The following HIP1 variants were observed in gnomAD, a reference collection of about 807,000 sequenced individuals.
HIP1 encodes huntingtin-interacting protein 1.
Under a neutral mutation model 147.6 loss-of-function variants are expected in HIP1, and 65 were observed. That is an observed-to-expected ratio of 0.44 (90% CI 0.36 to 0.54). The LOEUF (loss-of-function observed/expected upper bound fraction) is 0.54. Among genes scored for constraint, HIP1 ranks in the 20% least tolerant of loss-of-function variants. The probability of loss-of-function intolerance (pLI) is 0.00; values close to 1 mark genes in which losing one functional copy is unlikely to be tolerated. For missense variants in HIP1, 1,061 were observed against 1,299.6 expected, an observed-to-expected ratio of 0.82 and a Z score of 2.82; for synonymous variants, 479 against 504.0, an observed-to-expected ratio of 0.95 and a Z score of 0.67.
At chr7:75,685,465 CTT>C (rs1372803033) in intron 1 of HIP1, among the ~76,000 whole-genome samples, 1 of 152,252 alleles carries the variant, frequency 6.6e-6, no homozygotes, top group Non-Finnish European at 1.5e-5. Flanking sequence ...CTACTGATGT[CTT>C]TGCCCACTTT....
chr7:75,570,938 A>C (rs1172768709), intron 8 of HIP1, among the ~76,000 whole-genome samples: 1 of 152,068 alleles, frequency 6.6e-6, no homozygotes, highest in Admixed American at 6.6e-5. Flanking sequence ...TGAACCTGGG[A>C]GATGGAGGTT....
chr7:75,662,698 A>T (rs555001219), intron 1 of HIP1, among the ~76,000 whole-genome samples: 1 of 151,824 alleles, frequency 6.6e-6, no homozygotes, highest in Non-Finnish European at 1.5e-5. Context: ...TAGAGACGGG[A>T]TTTCACCATG....
At chr7:75,619,004 G>A (rs972250042) in intron 1 of HIP1, among the ~76,000 whole-genome samples, 20 of 151,956 alleles carry the variant, frequency 1.3e-4, no homozygotes, top group Admixed American at 2.6e-4. Context: ...TGCAGGAATC[G>A]CTGTGTGTAG....
At chr7:75,567,010 G>T (rs782405288) in intron 9 of HIP1, among the ~76,000 whole-genome samples, 1 of 151,052 alleles carries the variant, frequency 6.6e-6, no homozygotes, top group African/African-American at 2.5e-5. Flanking sequence ...TACTGAAGAG[G>T]CTGAGGCAGG....
chr7:75,587,767 C>A (rs952671741), intron 4 of HIP1, among the ~76,000 whole-genome samples: 8 of 152,070 alleles, frequency 5.3e-5, no homozygotes, highest in Non-Finnish European at 7.4e-5. Context: ...AATTTGAGAC[C>A]AGCCTGGCCA....
chr7:75,624,035 C>T (rs781840331), intron 1 of HIP1, among the ~76,000 whole-genome samples: 3 of 152,132 alleles, frequency 2.0e-5, no homozygotes, highest in Admixed American at 6.5e-5. Flanking sequence ...GAGCTATGAT[C>T]GTGCCACTGC....
chr7:75,598,613 T>A (rs1796849823), intron 2 of HIP1, among the ~76,000 whole-genome samples: 1 of 151,970 alleles, frequency 6.6e-6, no homozygotes, highest in Non-Finnish European at 1.5e-5. Context: ...ACTATGAGGT[T>A]CTACAAAGCT....
intron 22 of HIP1, among the ~76,000 whole-genome samples, chr7:75,550,063 T>C (rs1277262995): frequency 6.6e-6 from 1 of 152,166 alleles, no homozygotes; most frequent in Non-Finnish European, 1.5e-5. Flanking sequence ...ATTCCTACTG[T>C]GCAGATAGGA....
chr7:75,658,744 G>C (rs1252588622), intron 1 of HIP1, among the ~76,000 whole-genome samples: 3 of 151,818 alleles, frequency 2.0e-5, no homozygotes, highest in Non-Finnish European at 4.4e-5. Flanking sequence ...GCAAAACCCT[G>C]TCTCTAGAAA....
intron 1 of HIP1, among the ~76,000 whole-genome samples, chr7:75,694,676 CTT>C (rs11383945): frequency 1.4e-5 from 2 of 140,350 alleles, no homozygotes. Context: ...CACCTGGCTA[CTT>C]TTTTTTTTTT....
intron 1 of HIP1, among the ~76,000 whole-genome samples, chr7:75,604,841 C>T (rs711304): frequency 6.6e-6 from 1 of 151,948 alleles, no homozygotes; most frequent in South Asian, 2.1e-4. Flanking sequence ...CATTATGAAC[C>T]TTGCTCACAC....
At chr7:75,603,732 G>A (rs587755905) in intron 1 of HIP1, among the ~76,000 whole-genome samples, 10 of 152,098 alleles carry the variant, frequency 6.6e-5, no homozygotes, top group Non-Finnish European at 1.5e-4. Context: ...AATTAGCCAG[G>A]TGTGGTGGTG....
At chr7:75,632,164 T>A (rs1408773783) in intron 1 of HIP1, among the ~76,000 whole-genome samples, 2 of 152,154 alleles carry the variant, frequency 1.3e-5, no homozygotes, top group Admixed American at 1.3e-4. Flanking sequence ...TGGTCGCCCT[T>A]GGTGCATTTC....
At chr7:75,684,788 T>G (rs1469850207) in intron 1 of HIP1, among the ~76,000 whole-genome samples, 1 of 152,112 alleles carries the variant, frequency 6.6e-6, no homozygotes. Flanking sequence ...GCTCAAAGCA[T>G]GCACATTTAA....
At chr7:75,685,241 C>T (rs1306303649) in intron 1 of HIP1, among the ~76,000 whole-genome samples, 5 of 148,788 alleles carry the variant, frequency 3.4e-5, no homozygotes, top group African/African-American at 4.9e-5. Context: ...AGTGAGACCC[C>T]GTTTCTACCA....
At chr7:75,639,398 GGC>G (rs1311547730) in intron 1 of HIP1, among the ~76,000 whole-genome samples, 1 of 151,464 alleles carries the variant, frequency 6.6e-6, no homozygotes, top group Non-Finnish European at 1.5e-5. Flanking sequence ...AGCTGGCGGG[GGC>G]GCGAGGGGAG....
Position 75,547,803 on chromosome 7 carries a change from C to T in HIP1, c.2417G>A (p.Ser806Asn). Residue 806 changes from serine (S) to asparagine (N), a missense_variant, in exon 24 of 31, where the codon AGC (serine) becomes AAC (asparagine). This residue lies in a region of HIP1 where 810 missense variants were observed against 946.8 expected (regional missense o/e 0.86). Coordinates refer to ENST00000336926, the MANE Select transcript of HIP1 (RefSeq NM_005338.7). ...TCCTGTGTCTCCTGCTCGGGATTTG[C>T]TGAGCATCTCCTGTGAAAAAGAAGC... Reference protein sequence around the residue: ...TATARIEEMLSKSRAGDTGVK... With the variant: ...TATARIEEMLNKSRAGDTGVK... 1 of 1,613,844 alleles carries T rather than the reference C, an allele frequency of 6.2e-7. No homozygotes were observed. The highest frequency in any genetic ancestry group is 8.5e-7 in the Non-Finnish European group (1 of 1,179,822).
chr7:75,652,314 CAA>C (rs34220339), intron 1 of HIP1, among the ~76,000 whole-genome samples: 14 of 105,430 alleles, frequency 1.3e-4, no homozygotes, highest in African/African-American at 3.0e-4. Flanking sequence ...GAGACTGTCT[CAA>C]AAAAAAAAAA....
chr7:75,538,885 C>A (rs1360154669), intron 30 of HIP1, among the ~76,000 whole-genome samples: 1 of 152,080 alleles, frequency 6.6e-6, no homozygotes, highest in Non-Finnish European at 1.5e-5. Flanking sequence ...AGCACCTGAT[C>A]CCTTCTGTCT....
Sources: gnomAD v4.1 joint callset for allele counts (sites outside exome capture counted in the v4.1 genomes callset) on GRCh38, gnomAD v4.1.1 for gene constraint, gnomAD v4.1.1 regional missense constraint, MANE v1.5 for transcripts, NCBI Gene and HGNC (gene_info 2026-07-23, HGNC 2026-07-21) for gene names.